EFCAB5: variants seen among roughly 807,000 people sequenced by gnomAD.
The protein encoded by EFCAB5 is EF-hand calcium-binding domain-containing protein 5.
A neutral mutation model predicts 167.9 loss-of-function variants in EFCAB5; 131 were observed. The ratio of observed to expected loss-of-function variants is 0.78; its 90% CI spans 0.68 to 0.90. The LOEUF is 0.90. Among genes scored for constraint, EFCAB5 ranks in the 40% least tolerant of loss-of-function variants. The probability of loss-of-function intolerance (pLI) is 0.00; values close to 1 mark genes in which losing one functional copy is unlikely to be tolerated. For synonymous variants in EFCAB5, 574 were observed against 602.8 expected (o/e 0.95, Z 0.70); for missense variants, 1,663 against 1,745.2 (o/e 0.95, Z 0.84).
chr17:30,066,527 A>C (rs2070576682), intron 14 of EFCAB5, among the ~76,000 whole-genome samples: 1 of 152,172 alleles, frequency 6.6e-6, no homozygotes, highest in South Asian at 2.1e-4. Flanking sequence ...AGCAGTATTG[A>C]AAGAGAAGTT....
chr17:30,087,274 T>A (rs1319158392), intron 19 of EFCAB5, 108 bp downstream of exon 19: 6 of 775,554 alleles, frequency 7.7e-6, no homozygotes, highest in Non-Finnish European at 1.0e-5. Flanking sequence ...CTGACTTTTA[T>A]TCTTTCTTTT....
At chr17:30,000,658 C>T (rs748562490) in intron 7 of EFCAB5, among the ~76,000 whole-genome samples, 3 of 152,018 alleles carry the variant, frequency 2.0e-5, no homozygotes, top group African/African-American at 4.8e-5. Context: ...CACCTTTGCA[C>T]GATTGAAGGT....
chr17:30,046,249 A>G (rs1472047313), intron 8 of EFCAB5, among the ~76,000 whole-genome samples: 1 of 152,178 alleles, frequency 6.6e-6, no homozygotes, highest in African/African-American at 2.4e-5. Context: ...GTTGCTCCTT[A>G]ATGAAAATTT....
intron 21 of EFCAB5, among the ~76,000 whole-genome samples, chr17:30,092,488 A>G (rs2071219724): frequency 6.6e-6 from 1 of 152,066 alleles, no homozygotes; most frequent in Non-Finnish European, 1.5e-5. Flanking sequence ...CCTGGGTTCA[A>G]GCAATTCTCC....
rs2071209073 is a variant in EFCAB5 at position 30,092,002 on chromosome 17, C to G, written c.4069C>G (p.Leu1357Val). 2 of 1,613,948 alleles carry G rather than the reference C, an allele frequency of 1.2e-6. No homozygotes were observed. Among genetic ancestry groups the G allele is most frequent in the Non-Finnish European group, 1.7e-6 (2 of 1,179,878 alleles). ...GTCACTGTTGCTCTATGACCATACT[C>G]TTGTAACAGAGCCAAATTCTCCTCA... ...FVSLLLYDHT[L>V]VTEPNSPQDS... The change falls in exon 21 of 23, where the codon CTT becomes GTT. Residue 1357 changes from leucine to valine, a missense_variant. Transcript: ENST00000394835.
chr17:29,995,636 C>A (rs2151642228), intron 5 of EFCAB5, among the ~76,000 whole-genome samples: 1 of 152,268 alleles, frequency 6.6e-6, no homozygotes. Context: ...GAAATTTTTT[C>A]AACTTTAATT....
chr17:29,997,821 C>A (rs1374856013), intron 6 of EFCAB5, among the ~76,000 whole-genome samples: 1 of 151,898 alleles, frequency 6.6e-6, no homozygotes, highest in Non-Finnish European at 1.5e-5. Context: ...AAAAATTCAC[C>A]CAAAAATTTC....
rs1316396726 is a variant in EFCAB5, at chr17:30,057,809, G to T, written c.2499G>T (p.Leu833Phe). ...LETFVGEDAP[L>F]SVSETLTSFF... ...CATTTGTTGGTGAAGACGCTCCCTT[G>T]AGTGTCAGCGAGACTCTCACCTCCT... Residue 833 changes from leucine (L) to phenylalanine (F), a missense_variant, in exon 13 of 23, where the codon TTG becomes TTT. By Grantham distance (22) the Leu-to-Phe change is conservative (BLOSUM62 0). Transcript: ENST00000394835. 6.2e-7 allele frequency: 1 copy of T among 1,613,706 alleles called. No individual in the cohort carries two copies. Among genetic ancestry groups the T allele is most frequent in the Non-Finnish European group, 8.5e-7 (1 of 1,179,796 alleles).
At chr17:29,948,528 ATG>A (rs142175683) in intron 3 of EFCAB5, among the ~76,000 whole-genome samples, 11 of 151,260 alleles carry the variant, frequency 7.3e-5, no homozygotes, top group South Asian at 4.2e-4. Context: ...TCATTTGTGA[ATG>A]TGTGTGTGTG....
At chr17:29,955,228 G>A (rs1474901767) in intron 3 of EFCAB5, among the ~76,000 whole-genome samples, 1 of 152,166 alleles carries the variant, frequency 6.6e-6, no homozygotes, top group Non-Finnish European at 1.5e-5. Flanking sequence ...AGATTTGGGA[G>A]GGGCCGGGGC....
chr17:30,072,318 G>A (rs1179068418), intron 14 of EFCAB5, among the ~76,000 whole-genome samples: 2 of 152,110 alleles, frequency 1.3e-5, no homozygotes, highest in East Asian at 3.8e-4. Flanking sequence ...AATACAGTTG[G>A]AAGTAATAAA....
upstream of EFCAB5, among the ~76,000 whole-genome samples, chr17:29,937,612 G>A (rs1033961431): frequency 6.6e-6 from 1 of 152,034 alleles, no homozygotes; most frequent in South Asian, 2.1e-4. Flanking sequence ...TTGAGGGGAG[G>A]TTTTCAAAGG....
At chr17:29,935,038 C>G (rs1332188366) in intron 1 of EFCAB5, among the ~76,000 whole-genome samples, 2 of 151,650 alleles carry the variant, frequency 1.3e-5, no homozygotes, top group African/African-American at 4.8e-5. Context: ...AAAAAAGACA[C>G]AAGAAATCAT....
rs750249905 is a variant in EFCAB5, at chr17:29,969,373, A to G, written c.767+6A>G. ...CCTGACACTATCTGCAACAGGTACA[A>G]TCTGTTATAGTTTCAGTTCATGATC... On this transcript the variant is annotated splice_donor_region_variant and intron_variant, in intron 4 of 22. Coordinates refer to ENST00000394835, the MANE Select transcript of EFCAB5 (RefSeq NM_198529.4). The G allele has an allele frequency of 1.5e-5, 24 of 1,562,324 alleles. No individual in the cohort carries two copies. Among genetic ancestry groups the G allele is most frequent in the Non-Finnish European group, 1.9e-5 (22 of 1,157,650 alleles).
At chr17:30,104,412 TAA>T (rs2071419654) in intron 22 of EFCAB5, among the ~76,000 whole-genome samples, 1 of 152,136 alleles carries the variant, frequency 6.6e-6, no homozygotes, top group African/African-American at 2.4e-5. Flanking sequence ...ACTATGTAAT[TAA>T]AAGTTTGATT....
Position 29,980,282 on chromosome 17 carries a change from T to C in EFCAB5, c.767+10915T>C, listed in dbSNP as rs1234396618. Among the ~76,000 whole-genome samples the C allele has an allele frequency of 4.6e-5, 7 of 152,296 alleles. No homozygotes were observed. The South Asian group carries it at 1.4e-3, about 32-fold the overall frequency. On this transcript the variant is annotated intron_variant, in intron 4 of 22. Coordinates refer to ENST00000394835, the MANE Select transcript of EFCAB5 (RefSeq NM_198529.4). ...TGAGCTATACCTTATAGGGAAAAAA[T>C]ACAAAATTTGATTTTTGTCATGAAG...
intron 3 of EFCAB5, among the ~76,000 whole-genome samples, chr17:29,947,186 A>C (rs1433720700): frequency 6.6e-6 from 1 of 152,028 alleles, no homozygotes; most frequent in Non-Finnish European, 1.5e-5. Flanking sequence ...AAAAAAAAAA[A>C]AGAAAAAGAA....
At chr17:29,970,027 C>G (rs776355783) in intron 4 of EFCAB5, among the ~76,000 whole-genome samples, 3 of 152,004 alleles carry the variant, frequency 2.0e-5, no homozygotes, top group African/African-American at 7.2e-5. Context: ...TGTTACATTT[C>G]AAAATATTAA....
At chr17:30,017,792 TTTAG>T (rs1191690969) in intron 7 of EFCAB5, among the ~76,000 whole-genome samples, 1 of 152,150 alleles carries the variant, frequency 6.6e-6, no homozygotes, top group African/African-American at 2.4e-5. Context: ...ATTTCCCAGT[TTTAG>T]TTATTTTATA....
Sources: gnomAD v4.1 joint callset for allele counts (sites outside exome capture counted in the v4.1 genomes callset) on GRCh38, gnomAD v4.1.1 for gene constraint, MANE v1.5 for transcripts, NCBI Gene and HGNC (gene_info 2026-07-23, HGNC 2026-07-21) for gene names.